PCDH9: variants seen among roughly 807,000 people sequenced by gnomAD.
The protein encoded by PCDH9 is protocadherin-9.
A neutral mutation model predicts 70.6 loss-of-function variants in PCDH9; 24 were observed. The ratio of observed to expected loss-of-function variants is 0.34; its 90% confidence interval spans 0.25 to 0.48. PCDH9 has a LOEUF of 0.48. Ranked by LOEUF, PCDH9 falls within the 20% of genes least tolerant of loss-of-function variation. The pLI is 0.99. For missense variants in PCDH9, 1,281 were observed against 1,503.6 expected (o/e 0.85, Z 2.45); for synonymous variants, 562 against 558.5 (o/e 1.01, Z -0.09).
At chr13:66,397,757 A>AT (rs993245717) in intron 4 of PCDH9, among the ~76,000 whole-genome samples, 2 of 151,732 alleles carry the variant, frequency 1.3e-5, no homozygotes, top group African/African-American at 4.8e-5. Context: ...TCCTGAATTA[A>AT]TTTTTCTTTC....
intron 2 of PCDH9, among the ~76,000 whole-genome samples, chr13:66,919,173 T>A (rs2139639080): frequency 6.6e-6 from 1 of 151,384 alleles, no homozygotes; most frequent in African/African-American, 2.4e-5. Context: ...ATTCTGTGCA[T>A]TCAGTTGTCT....
intron 2 of PCDH9, among the ~76,000 whole-genome samples, chr13:67,024,106 T>A (rs1201492516): frequency 6.6e-6 from 1 of 152,170 alleles, no homozygotes; most frequent in Non-Finnish European, 1.5e-5. Context: ...CATGTATTAA[T>A]CTAAACTCTA....
intron 4 of PCDH9, among the ~76,000 whole-genome samples, chr13:66,481,302 A>T (rs80352864): frequency 1.6e-5 from 1 of 62,668 alleles, no homozygotes; most frequent in Non-Finnish European, 3.4e-5. Flanking sequence ...TTAAAGTATT[A>T]AAAAAAAAAA....
chr13:66,445,447 TATATATATACACATATATATA>T (rs1172780352), intron 4 of PCDH9, among the ~76,000 whole-genome samples: 55 of 144,926 alleles, frequency 3.8e-4, no homozygotes, highest in African/African-American at 1.3e-3. Flanking sequence ...TAGATGTGTG[TATATATATACACATATATATA>T]ATATATATAC....
At chr13:66,919,017 C>T (rs888815749) in intron 2 of PCDH9, among the ~76,000 whole-genome samples, 3 of 151,206 alleles carry the variant, frequency 2.0e-5, no homozygotes, top group Non-Finnish European at 4.4e-5. Flanking sequence ...GCTAATCTCT[C>T]CCCTCCTGTA....
Position 66,667,398 on chromosome 13 carries a change from T to C in PCDH9, c.3139-35987A>G, listed in dbSNP as rs182696072. ...AATATAAATATGCTATTTTACAGAA[T>C]GGATGTTTACACAATCTTAAAATTT... On this transcript the variant is annotated intron_variant, in intron 3 of 4. Coordinates refer to ENST00000377865, the MANE Select transcript of PCDH9 (RefSeq NM_203487.3). Among the ~76,000 whole-genome samples the C allele has an allele frequency of 3.2e-4, 48 of 152,346 alleles. No homozygotes were observed. In the East Asian group the frequency reaches 9.0e-3, roughly 29 times the overall value.
chr13:66,594,126 A>C (rs1040522513), intron 4 of PCDH9, among the ~76,000 whole-genome samples: 2 of 151,812 alleles, frequency 1.3e-5, no homozygotes, highest in African/African-American at 4.8e-5. Flanking sequence ...TTGGGACAGA[A>C]TATTTTTTGA....
chr13:66,366,439 C>T (rs1412284159), intron 4 of PCDH9, among the ~76,000 whole-genome samples: 1 of 151,978 alleles, frequency 6.6e-6, no homozygotes, highest in Non-Finnish European at 1.5e-5. Flanking sequence ...CTTCAACTCA[C>T]CCTAAATCAG....
intron 4 of PCDH9, among the ~76,000 whole-genome samples, chr13:66,579,405 A>G (rs1367408542): frequency 6.6e-6 from 1 of 152,080 alleles, no homozygotes; most frequent in Non-Finnish European, 1.5e-5. Flanking sequence ...ATGTTAAATT[A>G]TTACCAAACA....
At chr13:66,609,435 T>A (rs1332289542) in intron 4 of PCDH9, among the ~76,000 whole-genome samples, 1 of 152,172 alleles carries the variant, frequency 6.6e-6, no homozygotes, top group East Asian at 1.9e-4. Flanking sequence ...AGGTTACCAC[T>A]ATTATAACTC....
At chr13:66,880,838 C>G (rs975100434) in intron 3 of PCDH9, among the ~76,000 whole-genome samples, 1 of 152,092 alleles carries the variant, frequency 6.6e-6, no homozygotes, top group Admixed American at 6.6e-5. Context: ...AACTAGAGAG[C>G]AATTGCTTAT....
intron 4 of PCDH9, among the ~76,000 whole-genome samples, chr13:66,472,703 C>A (rs1036919080): frequency 6.6e-6 from 1 of 152,080 alleles, no homozygotes; most frequent in Non-Finnish European, 1.5e-5. Context: ...CTTTGAAAAT[C>A]GTTTTTTTCC....
intron 2 of PCDH9, among the ~76,000 whole-genome samples, chr13:66,990,198 T>G (rs1380663499): frequency 6.6e-6 from 1 of 151,872 alleles, no homozygotes; most frequent in Admixed American, 6.6e-5. Flanking sequence ...TAAATAATCA[T>G]CTTGTATGTC....
At chr13:66,391,881 TGC>T (rs1957023859) in intron 4 of PCDH9, among the ~76,000 whole-genome samples, 2 of 39,446 alleles carry the variant, frequency 5.1e-5, no homozygotes, top group African/African-American at 1.6e-4. Context: ...TTGCCATATA[TGC>T]ATATATATAT....
At chr13:66,866,908 A>C (rs1364079211) in intron 3 of PCDH9, among the ~76,000 whole-genome samples, 1 of 152,238 alleles carries the variant, frequency 6.6e-6, no homozygotes, top group African/African-American at 2.4e-5. Context: ...TAAGTCTTAT[A>C]AGAAAGCACA....
chr13:67,064,003 T>C (rs1388643415), intron 2 of PCDH9, among the ~76,000 whole-genome samples: 2 of 152,194 alleles, frequency 1.3e-5, no homozygotes, highest in Non-Finnish European at 2.9e-5. Flanking sequence ...CTCCACTCTA[T>C]GAATCCCCTC....
rs191983918 is a variant in PCDH9, at chr13:67,194,222, G to C, written c.3036+31183C>G. ...CTTGTTGATTACTGCACTCATATAA[G>C]CACTACAGAAATTATAAAACATTCA... is the stretch of plus-strand genomic sequence containing the variant. On this transcript the variant is annotated intron_variant, in intron 2 of 4. Coordinates refer to ENST00000377865, the MANE Select transcript of PCDH9 (RefSeq NM_203487.3). Among the ~76,000 whole-genome samples the C allele has an allele frequency of 3.3e-5, 5 of 152,124 alleles. No homozygotes were observed. The East Asian group carries it at 7.7e-4, about 23-fold the overall frequency.
chr13:66,868,250 A>T (rs1483714630), intron 3 of PCDH9, among the ~76,000 whole-genome samples: 1 of 152,052 alleles, frequency 6.6e-6, no homozygotes, highest in Non-Finnish European at 1.5e-5. Flanking sequence ...ACAACTGGGC[A>T]AATTAGGTAA....
chr13:66,982,786 C>T lies in PCDH9; in HGVS notation c.3037-79181G>A, dbSNP rs141033078. ...AAACAACACCTGGATTCTTCAATCT[C>T]GCTGGCAACATTTGTTTCTTAATTT... On this transcript the variant is annotated intron_variant, in intron 2 of 4. Coordinates refer to ENST00000377865, the MANE Select transcript of PCDH9 (RefSeq NM_203487.3). Among the ~76,000 whole-genome samples, 359 of 152,242 alleles carry T rather than the reference C, an allele frequency of 2.4e-3. 1 individual carries two copies. The highest frequency in any genetic ancestry group is 8.1e-3 in the African/African-American group (338 of 41,556).
Sources: gnomAD v4.1 joint callset for allele counts (sites outside exome capture counted in the v4.1 genomes callset) on GRCh38, gnomAD v4.1.1 for gene constraint, MANE v1.5 for transcripts, NCBI Gene and HGNC (gene_info 2026-07-23, HGNC 2026-07-21) for gene names.